Variants in PIAS2 observed in about 807,000 individuals in gnomAD.
The protein encoded by PIAS2 is protein inhibitor of activated STAT 2, also known as E3 SUMO-protein ligase PIAS2.
A neutral mutation model predicts 69.7 loss-of-function variants in PIAS2; 19 were observed. The ratio of observed to expected loss-of-function variants is 0.27; its 90% CI spans 0.19 to 0.40. The LOEUF (loss-of-function observed/expected upper bound fraction) is 0.40. Among genes scored for constraint, PIAS2 ranks in the 10% least tolerant of loss-of-function variants. PIAS2 has a pLI of 1.00. For synonymous variants in PIAS2, 261 were observed against 263.2 expected, an observed-to-expected ratio of 0.99 and a Z score of 0.08; for missense variants, 624 against 757.0, an observed-to-expected ratio of 0.82 and a Z score of 2.06.
chr18:46,808,978 T>G lies in PIAS2; in HGVS notation c.*3455A>C, dbSNP rs554896728. The G allele has an allele frequency of 6.6e-6, 1 of 152,282 alleles. No homozygotes were observed. The highest frequency in any genetic ancestry group is 2.1e-4 in the South Asian group (1 of 4,826). 9.4% of individuals were successfully genotyped at this position (152,282 alleles called of 1,614,324 possible). On this transcript the variant is annotated 3_prime_UTR_variant, in exon 14 of 14. Coordinates refer to ENST00000585916, the MANE Select transcript of PIAS2 (RefSeq NM_004671.5). ...TTATTGGCAGAAAAAAAAGACAACT[T>G]GGCTGGAAATGCTGAGTGTCTTGGA...
At position 46,808,444 on chromosome 18, in the gene PIAS2, T is replaced by G. The variant is rs2040815793; in HGVS notation, c.*3989A>C. On this transcript the variant is annotated 3_prime_UTR_variant, in exon 14 of 14. Coordinates refer to ENST00000585916, the MANE Select transcript of PIAS2 (RefSeq NM_004671.5). ...TTTATTTCTTTTAGGAATTGCAGGT[T>G]CCTAACAAAGTAGGGGTGAGGGGGG... 1.3e-5 allele frequency: 2 copies of G among 152,216 alleles called. No homozygotes were observed. The highest frequency in any genetic ancestry group is 4.8e-5 in the African/African-American group (2 of 41,466). 9.4% of individuals were successfully genotyped at this position (152,216 alleles called of 1,614,324 possible). A position where few individuals can be genotyped will look rare whatever the true frequency, so the allele number is the denominator to read the frequency against.
intron 1 of PIAS2, among the ~76,000 whole-genome samples, chr18:46,906,771 T>G (rs866133502): frequency 5.0e-4 from 48 of 96,350 alleles, no homozygotes; most frequent in East Asian, 1.8e-3. Flanking sequence ...TATGTGTGTG[T>G]GTGGGGGGGG....
rs144690299 is a variant in PIAS2 at position 46,902,393 on chromosome 18, C to A, written c.25-11339G>T. ...CCAAAATGGAGAAACCCCGTCTCTA[C>A]TAAAGATGCAAAAAAAATTAGCCAT... On this transcript the variant is annotated intron_variant, in intron 1 of 13. Coordinates refer to ENST00000585916, the MANE Select transcript of PIAS2 (RefSeq NM_004671.5). 1.0e-3 allele frequency among the ~76,000 whole-genome samples: 154 copies of A among 152,076 alleles called. 1 individual carries two copies. The highest frequency in any genetic ancestry group is 3.6e-3 in the African/African-American group (150 of 41,474).
chr18:46,833,320 A>G (rs532248782), intron 9 of PIAS2, among the ~76,000 whole-genome samples: 7 of 152,364 alleles, frequency 4.6e-5, no homozygotes, highest in African/African-American at 1.4e-4. Flanking sequence ...CATTCATATA[A>G]AAGTCTAGAA....
At chr18:46,900,504 C>G (rs562910265) in intron 1 of PIAS2, among the ~76,000 whole-genome samples, 1 of 150,940 alleles carries the variant, frequency 6.6e-6, no homozygotes, top group African/African-American at 2.4e-5. Context: ...CCAGGTTCTA[C>G]CAAAAAAAAA....
intron 8 of PIAS2, among the ~76,000 whole-genome samples, chr18:46,840,766 A>G (rs930157589): frequency 6.6e-6 from 1 of 152,206 alleles, no homozygotes; most frequent in African/African-American, 2.4e-5. Context: ...TTCTAATTCT[A>G]ATTTAATCAG....
At chr18:46,864,587 A>G (rs2049147629) in intron 2 of PIAS2, among the ~76,000 whole-genome samples, 1 of 152,148 alleles carries the variant, frequency 6.6e-6, no homozygotes, top group Admixed American at 6.5e-5. Context: ...CCTGACCAAC[A>G]TGGAGAAACC....
At chr18:46,884,945 G>A (rs1010454642) in intron 2 of PIAS2, among the ~76,000 whole-genome samples, 1 of 151,792 alleles carries the variant, frequency 6.6e-6, no homozygotes, top group South Asian at 2.1e-4. Context: ...AAATTGAAGA[G>A]GAAATCAAGA....
rs1472124182 is a variant in PIAS2, at chr18:46,821,017, G to A, written c.1564C>T (p.Pro522Ser). 3.1e-6 allele frequency: 5 copies of A among 1,613,370 alleles called. No homozygotes were observed. In the South Asian group the frequency reaches 5.5e-5, roughly 18 times the overall value. ...VRVPSVTSVD[P>S]AAIPPSLTDY... ...GTTAATGAAGGCGGAATAGCAGCAG[G>A]ATCAACCGAAGTCACACTGGGCACC... Residue 522 changes from proline (P) to serine (S), a missense_variant, in exon 12 of 14, where the codon CCT (proline) becomes TCT (serine). Around this residue, in one of 3 missense-constraint regions of PIAS2, gnomAD observed 241 missense variants for 257.3 expected, o/e 0.94. Transcript: ENST00000585916.
At position 46,812,467 on chromosome 18, in the gene PIAS2, C is replaced by G; in HGVS notation, c.1832G>C (p.Gly611Ala). Residue 611 changes from glycine (G) to alanine (A), a missense_variant, in exon 14 of 14, where the codon GGA becomes GCA. Physicochemically the swap from Gly to Ala is moderately conservative, Grantham distance 60 (BLOSUM62 0). Around this residue, in one of 3 missense-constraint regions of PIAS2, gnomAD observed 241 missense variants for 257.3 expected, o/e 0.94. Transcript: ENST00000585916. ...RSETGVITSS[G>A]SNIPDIISLD Reference sequence around the variant, plus strand: ...TGAGATGATGTCAGGAATGTTACTTCCACTGCTGGTTATGACCCCTGTCTC... The same window carrying G: ...TGAGATGATGTCAGGAATGTTACTTGCACTGCTGGTTATGACCCCTGTCTC... 1 of 1,612,620 alleles carries G rather than the reference C, an allele frequency of 6.2e-7. No individual in the cohort carries two copies. Among genetic ancestry groups the G allele is most frequent in the Non-Finnish European group, 8.5e-7 (1 of 1,178,966 alleles).
chr18:46,890,421 AT>A (rs2053897715), intron 2 of PIAS2, among the ~76,000 whole-genome samples, 158 bp downstream of exon 2: 1 of 152,248 alleles, frequency 6.6e-6, no homozygotes, highest in Non-Finnish European at 1.5e-5. Context: ...CTTCTATTAG[AT>A]TTCAGTCATG....
intron 3 of PIAS2, among the ~76,000 whole-genome samples, chr18:46,856,003 T>TTG (rs1568543430): frequency 8.6e-6 from 1 of 115,818 alleles, no homozygotes; most frequent in African/African-American, 3.2e-5. Context: ...TTTTGTTTTT[T>TTG]TTTTTTTTTT....
At chr18:46,880,288 C>T (rs1249468270) in intron 2 of PIAS2, among the ~76,000 whole-genome samples, 2 of 152,088 alleles carry the variant, frequency 1.3e-5, no homozygotes, top group East Asian at 3.9e-4. Context: ...GTCCCAGCTA[C>T]TTAGGAGGAT....
At position 46,894,217 on chromosome 18, in the gene PIAS2, T is replaced by C. The variant is rs192181919; in HGVS notation, c.25-3163A>G. Reference sequence around the variant, plus strand: ...CTTACTAAGTAAAATTCTACAAATATGTTGTTTGGCAAATCTTACCAGATC... The same window carrying C: ...CTTACTAAGTAAAATTCTACAAATACGTTGTTTGGCAAATCTTACCAGATC... On this transcript the variant is annotated intron_variant, in intron 1 of 13. Coordinates refer to ENST00000585916, the MANE Select transcript of PIAS2 (RefSeq NM_004671.5). Among the ~76,000 whole-genome samples, 74 of 152,310 alleles carry C rather than the reference T, an allele frequency of 4.9e-4. 2 individuals are homozygous for C. The East Asian group carries it at 0.014, about 29-fold the overall frequency.
intron 9 of PIAS2, among the ~76,000 whole-genome samples, chr18:46,833,838 G>T (rs1314866140): frequency 6.6e-6 from 1 of 152,158 alleles, no homozygotes; most frequent in African/African-American, 2.4e-5. Flanking sequence ...AATGCAAGTA[G>T]TATCTCAGAT....
chr18:46,874,699 A>G (rs1303762610), intron 2 of PIAS2, among the ~76,000 whole-genome samples: 1 of 152,126 alleles, frequency 6.6e-6, no homozygotes, highest in Non-Finnish European at 1.5e-5. Context: ...TGACATTCCT[A>G]CGTTTGAAAC....
At chr18:46,838,633 C>CTT (rs2044815985) in intron 8 of PIAS2, among the ~76,000 whole-genome samples, 1 of 152,214 alleles carries the variant, frequency 6.6e-6, no homozygotes, top group Non-Finnish European at 1.5e-5. Context: ...TTTTTCCTGC[C>CTT]TTTAAAAACA....
chr18:46,829,753 T>C lies in PIAS2; in HGVS notation c.1317A>G (p.Gln439=), dbSNP rs2144966868. 1.2e-6 allele frequency: 2 copies of C among 1,613,490 alleles called. No homozygotes were observed. Among genetic ancestry groups the C allele is most frequent in the South Asian group, 2.2e-5 (2 of 90,980 alleles). ...ACATACTTTCTATTTTTGTACACGGTTGGCTGGATACTTTCATAGCTTCTT... is the reference window on the plus strand; with the variant it reads ...ACATACTTTCTATTTTTGTACACGGCTGGCTGGATACTTTCATAGCTTCTT... ...PKKEAMKVSS[Q]PCTKIESSSV... The change falls in exon 10 of 14, where the codon CAA becomes CAG. Residue 439 remains glutamine, a synonymous_variant. Transcript: ENST00000585916.
intron 1 of PIAS2, among the ~76,000 whole-genome samples, chr18:46,896,164 G>GAAAAAAAAAAAAAAA (rs1491313474): frequency 3.1e-4 from 7 of 22,288 alleles, no homozygotes; most frequent in Non-Finnish European, 4.0e-4. Flanking sequence ...AAAGAAAAAA[G>GAAAAAAAAAAAAAAA]CAAAAAAAAA....
Sources: gnomAD v4.1 joint callset for allele counts (sites outside exome capture counted in the v4.1 genomes callset) on GRCh38, gnomAD v4.1.1 for gene constraint, gnomAD v4.1.1 regional missense constraint, MANE v1.5 for transcripts, NCBI Gene and HGNC (gene_info 2026-07-23, HGNC 2026-07-21) for gene names.